The following INSYN2B variants were observed in gnomAD, a reference collection of about 807,000 sequenced individuals.
INSYN2B encodes the protein protein INSYN2B.
Under a neutral mutation model 41.2 loss-of-function variants are expected in INSYN2B, and 16 were observed. That is an observed-to-expected ratio of 0.39 (90% confidence interval 0.26 to 0.59). INSYN2B has a LOEUF of 0.59. Ranked by LOEUF, INSYN2B falls within the 20% of genes least tolerant of loss-of-function variation. The pLI is 0.57. For missense variants in INSYN2B, 608 were observed against 646.4 expected, an observed-to-expected ratio of 0.94 and a Z score of 0.64; for synonymous variants, 245 against 244.4, an observed-to-expected ratio of 1.00 and a Z score of -0.02.
chr5:169,975,874 CCTGGCACATAG>C (rs1201268390), intron 1 of INSYN2B, among the ~76,000 whole-genome samples: 1 of 152,296 alleles, frequency 6.6e-6, no homozygotes, highest in Non-Finnish European at 1.5e-5. Context: ...TAAAACCATG[CCTGGCACATAG>C]TAGGTGCTCA....
rs183340982 is a variant in INSYN2B at position 169,871,297 on chromosome 5, C to T, written c.1422-6838G>A. On this transcript the variant is annotated intron_variant, in intron 3 of 3. Coordinates refer to ENST00000377365, the MANE Select transcript of INSYN2B (RefSeq NM_001129891.3). ...TTTTAGCCATGGACCTAACTCTTTC[C>T]AGCATTTTATTCTAAGGAGAAGAAA... 2.6e-5 allele frequency among the ~76,000 whole-genome samples: 4 copies of T among 152,230 alleles called. No individual in the cohort carries two copies. The East Asian group carries it at 5.8e-4, about 22-fold the overall frequency.
chr5:169,880,082 G>A (rs1013168026), intron 3 of INSYN2B, among the ~76,000 whole-genome samples: 1 of 152,190 alleles, frequency 6.6e-6, no homozygotes, highest in Non-Finnish European at 1.5e-5. Context: ...AAAAAAAGAA[G>A]CAGCAAAAAG....
chr5:169,928,726 C>A (rs188662107), intron 1 of INSYN2B, among the ~76,000 whole-genome samples: 1 of 152,138 alleles, frequency 6.6e-6, no homozygotes, highest in East Asian at 1.9e-4. Flanking sequence ...AGTTATGACA[C>A]CTTCATAGAG....
chr5:169,897,079 ATATT>A (rs1279023113), intron 1 of INSYN2B, among the ~76,000 whole-genome samples: 3 of 152,220 alleles, frequency 2.0e-5, no homozygotes, highest in Admixed American at 1.3e-4. Flanking sequence ...TATCATAAGA[ATATT>A]TATTATGAAT....
At chr5:169,959,487 T>C (rs1379117199) in intron 1 of INSYN2B, among the ~76,000 whole-genome samples, 2 of 152,178 alleles carry the variant, frequency 1.3e-5, no homozygotes, top group Admixed American at 1.3e-4. Flanking sequence ...AGTTTATGGT[T>C]CAACATAAGG....
chr5:169,934,018 T>G (rs2113689309), intron 1 of INSYN2B, among the ~76,000 whole-genome samples: 1 of 152,320 alleles, frequency 6.6e-6, no homozygotes, highest in East Asian at 1.9e-4. Flanking sequence ...TTTAAGCATT[T>G]AGGGCAGAGC....
intron 1 of INSYN2B, among the ~76,000 whole-genome samples, chr5:169,977,787 A>T (rs1777768534): frequency 6.6e-6 from 1 of 152,180 alleles, no homozygotes; most frequent in Non-Finnish European, 1.5e-5. Context: ...GCTCCCAATT[A>T]CAATTCTGAA....
intron 1 of INSYN2B, among the ~76,000 whole-genome samples, chr5:169,968,343 G>A (rs1423765088): frequency 6.6e-6 from 1 of 152,106 alleles, no homozygotes; most frequent in Non-Finnish European, 1.5e-5. Context: ...TAGGAGTCCA[G>A]CCACTCCCCT....
chr5:169,874,659 G>C (rs759629848), intron 3 of INSYN2B, among the ~76,000 whole-genome samples: 1 of 152,078 alleles, frequency 6.6e-6, no homozygotes, highest in Non-Finnish European at 1.5e-5. Context: ...CGTTCTTAGC[G>C]TTTGGTCCCT....
At chr5:169,904,829 T>C (rs1463341836) in intron 1 of INSYN2B, among the ~76,000 whole-genome samples, 1 of 152,106 alleles carries the variant, frequency 6.6e-6, no homozygotes, top group East Asian at 1.9e-4. Flanking sequence ...GCAACACATT[T>C]CTGTGTGGGA....
chr5:169,931,465 A>G (rs1298164428), intron 1 of INSYN2B, among the ~76,000 whole-genome samples: 2 of 152,238 alleles, frequency 1.3e-5, no homozygotes, highest in African/African-American at 4.8e-5. Context: ...ATCCAAGTGC[A>G]CTAAGTTCCT....
At position 169,884,738 on chromosome 5, in the gene INSYN2B, T is replaced by C. The variant is rs1298072270; in HGVS notation, c.-840A>G. ...TGAGCTACGTCTGCAGCCTCCATGA[T>C]GATGTATGTTTGCTTGGCCTCAGGG... On this transcript the variant is annotated 5_prime_UTR_variant, in exon 2 of 4. Transcript: ENST00000377365. The C allele has an allele frequency of 3.3e-5, 5 of 152,348 alleles. No homozygotes were observed. The highest frequency in any genetic ancestry group is 1.2e-4 in the African/African-American group (5 of 41,398). 9.4% of individuals were successfully genotyped at this position (152,348 alleles called of 1,614,324 possible). A position where few individuals can be genotyped will look rare whatever the true frequency, so the allele number is the denominator to read the frequency against.
intron 1 of INSYN2B, among the ~76,000 whole-genome samples, chr5:169,925,642 T>C (rs114007240): frequency 0.022 from 3,294 of 146,896 alleles, 53 homozygotes; most frequent in Middle Eastern, 0.094. Context: ...AGCTCTGCCA[T>C]TGATTGGTTG....
chr5:169,974,569 G>T (rs1777645835), intron 1 of INSYN2B, among the ~76,000 whole-genome samples: 1 of 152,132 alleles, frequency 6.6e-6, no homozygotes, highest in Admixed American at 6.5e-5. Context: ...GTTGACCTTG[G>T]TGTCATTTTA....
At position 169,863,942 on chromosome 5, in the gene INSYN2B, G is replaced by T. The variant is rs1220653474; in HGVS notation, c.*331C>A. ...GAAGGAAGTGCTTGGCATCTTGGAG[G>T]TGTTGGAAGGTGTAGTGTGGGGTTT... is the stretch of plus-strand genomic sequence containing the variant. On this transcript the variant is annotated 3_prime_UTR_variant, in exon 4 of 4. Transcript: ENST00000377365. 6.6e-6 allele frequency among the ~76,000 whole-genome samples: 1 copy of T among 152,184 alleles called. No homozygotes were observed.
At chr5:169,865,300 G>A (rs1414776751) in intron 3 of INSYN2B, among the ~76,000 whole-genome samples, 1 of 152,192 alleles carries the variant, frequency 6.6e-6, no homozygotes, top group Admixed American at 6.5e-5. Flanking sequence ...CTGTCGCAGA[G>A]CAGGGGTCCC....
chr5:169,978,388 TGTG>T (rs1429122376), intron 1 of INSYN2B, among the ~76,000 whole-genome samples: 3 of 15,590 alleles, frequency 1.9e-4, no homozygotes, highest in Non-Finnish European at 4.0e-4. Context: ...TGTGTGTGTG[TGTG>T]TGGGGGGGGG....
chr5:169,934,825 T>G (rs1226228382), intron 1 of INSYN2B: 1 of 426,010 alleles, frequency 2.3e-6, no homozygotes, highest in African/African-American at 2.0e-5. Context: ...TTGATTGTAG[T>G]GTCATCTGCA....
At chr5:169,908,248 C>T (rs904347051) in intron 1 of INSYN2B, among the ~76,000 whole-genome samples, 2 of 152,004 alleles carry the variant, frequency 1.3e-5, no homozygotes, top group African/African-American at 4.8e-5. Context: ...ATAGCTGGTC[C>T]CTTGGTGGCA....
Sources: gnomAD v4.1 joint callset for allele counts (sites outside exome capture counted in the v4.1 genomes callset) on GRCh38, gnomAD v4.1.1 for gene constraint, MANE v1.5 for transcripts, NCBI Gene and HGNC (gene_info 2026-07-23, HGNC 2026-07-21) for gene names.